Variants in RNF111 observed in about 807,000 individuals in gnomAD.
RNF111 encodes the protein ring finger protein 111, also known as E3 ubiquitin-protein ligase Arkadia.
A neutral mutation model predicts 95.1 loss-of-function variants in RNF111; 17 were observed. The ratio of observed to expected loss-of-function variants is 0.18; its 90% CI spans 0.12 to 0.27. The LOEUF is 0.27. Ranked by LOEUF, RNF111 falls within the 10% of genes least tolerant of loss-of-function variation. RNF111 has a pLI of 1.00. For synonymous variants in RNF111, 440 were observed against 414.8 expected (o/e 1.06, Z -0.74); for missense variants, 1,189 against 1,210.4 (o/e 0.98, Z 0.26).
At chr15:58,999,428 C>G (rs1276117878) in intron 1 of RNF111, among the ~76,000 whole-genome samples, 6 of 152,070 alleles carry the variant, frequency 3.9e-5, no homozygotes, top group African/African-American at 1.5e-4. Flanking sequence ...CTCCGCCCCC[C>G]AGGTTCAAGC....
At chr15:59,090,848 A>G (rs538570857) in intron 11 of RNF111, among the ~76,000 whole-genome samples, 2 of 152,300 alleles carry the variant, frequency 1.3e-5, no homozygotes, top group South Asian at 4.1e-4. Flanking sequence ...ACTTGAGGCC[A>G]GGAGTTTGAG....
At chr15:59,064,958 C>A (rs974665364) in intron 5 of RNF111, among the ~76,000 whole-genome samples, 2 of 151,882 alleles carry the variant, frequency 1.3e-5, no homozygotes, top group African/African-American at 2.4e-5. Context: ...ACCCATAATT[C>A]CCTTTATTAT....
intron 7 of RNF111, among the ~76,000 whole-genome samples, chr15:59,079,815 A>T (rs2078683475): frequency 6.6e-6 from 1 of 152,188 alleles, no homozygotes; most frequent in African/African-American, 2.4e-5. Context: ...TCCATATTTG[A>T]TGGGAAACAA....
chr15:59,096,545 C>T lies in RNF111; in HGVS notation c.*1645C>T, dbSNP rs1566952440. The T allele has an allele frequency of 6.5e-6, 1 of 153,236 alleles. No individual in the cohort carries two copies. Among genetic ancestry groups the T allele is most frequent in the Non-Finnish European group, 1.5e-5 (1 of 68,506 alleles). The allele number at this position is 153,236 out of a possible 1,614,324, so 9.5% of individuals were successfully genotyped here. Reference sequence around the variant, plus strand: ...GCATAATTTGACATTTATATTCATTCAGTTATGACTACTTGCCCTTTTCTT... The same window carrying T: ...GCATAATTTGACATTTATATTCATTTAGTTATGACTACTTGCCCTTTTCTT... On this transcript the variant is annotated 3_prime_UTR_variant, in exon 14 of 14. Coordinates refer to ENST00000348370, the MANE Select transcript of RNF111 (RefSeq NM_017610.8).
At chr15:58,997,406 T>C (rs577497214) in intron 1 of RNF111, among the ~76,000 whole-genome samples, 1 of 152,152 alleles carries the variant, frequency 6.6e-6, no homozygotes, top group South Asian at 2.1e-4. Flanking sequence ...TTTGCACTGA[T>C]GGTGCAAAAA....
At chr15:59,079,325 T>A (rs1359106729) in intron 7 of RNF111, among the ~76,000 whole-genome samples, 1 of 152,248 alleles carries the variant, frequency 6.6e-6, no homozygotes, top group East Asian at 1.9e-4. Context: ...TCATTTTTTA[T>A]GATTAAGAGC....
intron 11 of RNF111, among the ~76,000 whole-genome samples, chr15:59,090,420 G>A (rs1483247225): frequency 1.3e-5 from 2 of 152,104 alleles, no homozygotes; most frequent in African/African-American, 4.8e-5. Context: ...AGTAGAGATA[G>A]TGTTTTGCCA....
At chr15:59,082,337 G>A (rs1032795539) in intron 8 of RNF111, among the ~76,000 whole-genome samples, 39 of 152,122 alleles carry the variant, frequency 2.6e-4, no homozygotes, top group Admixed American at 2.3e-3. Context: ...GCAATATCGT[G>A]TGGTAAAAAT....
chr15:58,999,497 G>A (rs559538254), intron 1 of RNF111, among the ~76,000 whole-genome samples: 79 of 151,920 alleles, frequency 5.2e-4, no homozygotes, highest in South Asian at 4.8e-3. Context: ...CATCACACCC[G>A]GCTAATTTTT....
rs893566377 is a variant in RNF111 at position 59,090,198 on chromosome 15, T to C, written c.2643+439T>C. On this transcript the variant is annotated intron_variant, in intron 11 of 13. Coordinates refer to ENST00000348370, the MANE Select transcript of RNF111 (RefSeq NM_017610.8). ...TCGAATGGGATTTAAAGTTTTGTTG[T>C]GGTTTGTTTTTTTGTTTGTTTGTTT... 1.2e-4 allele frequency among the ~76,000 whole-genome samples: 17 copies of C among 141,782 alleles called. No individual in the cohort carries two copies. In the East Asian group the frequency reaches 2.0e-3, roughly 17 times the overall value. 93.0% of individuals were successfully genotyped at this position (141,782 alleles called of 152,430 possible). A position where few individuals can be genotyped will look rare whatever the true frequency, so the allele number is the denominator to read the frequency against.
At position 59,040,206 on chromosome 15, in the gene RNF111, C is replaced by G. The variant is rs545898002; in HGVS notation, c.880+8504C>G. On this transcript the variant is annotated intron_variant, in intron 2 of 13. Transcript: ENST00000348370. ...CAATAGCTCTTTGCAGACTTGACCT[C>G]CTGGGCTCAAGTGATCCTCCTGCCT... Among the ~76,000 whole-genome samples, 38 of 152,216 alleles carry G rather than the reference C, an allele frequency of 2.5e-4. No individual in the cohort carries two copies. The South Asian group carries it at 5.0e-3, about 20-fold the overall frequency.
chr15:59,005,636 T>G (rs1163806534), intron 1 of RNF111, among the ~76,000 whole-genome samples: 7 of 152,130 alleles, frequency 4.6e-5, no homozygotes, highest in Non-Finnish European at 7.3e-5. Flanking sequence ...TTAGACTAGT[T>G]TGAGGTGGGT....
intron 3 of RNF111, among the ~76,000 whole-genome samples, chr15:59,054,311 A>G (rs2042116449): frequency 1.3e-5 from 2 of 152,088 alleles, no homozygotes; most frequent in Non-Finnish European, 2.9e-5. Flanking sequence ...GCTACTAATC[A>G]TAGTGGCCAC....
At chr15:59,058,715 T>C in intron 5 of RNF111, 165 bp downstream of exon 5, 1 of 643,878 alleles carries the variant, frequency 1.6e-6, no homozygotes, top group Non-Finnish European at 2.6e-6. Context: ...ATTAGGCTGA[T>C]TTCATATTTG....
chr15:59,040,280 A>C (rs543593214), intron 2 of RNF111, among the ~76,000 whole-genome samples: 1 of 151,866 alleles, frequency 6.6e-6, no homozygotes, highest in African/African-American at 2.4e-5. Context: ...TTGCTCCACT[A>C]ATTTTTAAAT....
At chr15:59,058,661 C>A in intron 5 of RNF111, 111 bp downstream of exon 5, 1 of 937,926 alleles carries the variant, frequency 1.1e-6, no homozygotes, top group Non-Finnish European at 1.7e-6. Flanking sequence ...GGTATTCTTA[C>A]ATTATAATAA....
At chr15:59,058,800 C>G in intron 5 of RNF111, 2 of 405,922 alleles carry the variant, frequency 4.9e-6, no homozygotes, top group Non-Finnish European at 9.0e-6. Context: ...TGGCTGACAC[C>G]AAAAGCATGA....
intron 1 of RNF111, among the ~76,000 whole-genome samples, chr15:59,021,162 T>C (rs60026626): frequency 1.3e-5 from 2 of 152,130 alleles, no homozygotes; most frequent in African/African-American, 4.8e-5. Flanking sequence ...CCTTTTTTTG[T>C]TTGTTTGAGA....
chr15:59,075,455 T>G (rs1167171487), intron 6 of RNF111, among the ~76,000 whole-genome samples: 1 of 152,238 alleles, frequency 6.6e-6, no homozygotes, highest in East Asian at 1.9e-4. Flanking sequence ...GTAGATTTGT[T>G]TATTAGCACT....
Sources: allele counts gnomAD v4.1 joint callset (sites outside exome capture counted in the v4.1 genomes callset), GRCh38; gene constraint gnomAD v4.1.1; transcripts MANE v1.5; gene names NCBI Gene and HGNC (gene_info 2026-07-23, HGNC 2026-07-21).